The following TLK1 variants were observed in gnomAD, a reference collection of about 807,000 sequenced individuals.
TLK1 encodes the protein serine/threonine-protein kinase tousled-like 1.
In TLK1, 24 loss-of-function variants were observed where a neutral mutation model predicts 105.3. That is an observed-to-expected ratio of 0.23 (90% CI 0.17 to 0.32). The LOEUF (loss-of-function observed/expected upper bound fraction) is 0.32. Ranked by LOEUF, TLK1 falls within the 10% of genes least tolerant of loss-of-function variation. The probability of loss-of-function intolerance (pLI) is 1.00; values close to 1 mark genes in which losing one functional copy is unlikely to be tolerated. For synonymous variants in TLK1, 321 were observed against 310.4 expected (o/e 1.03, Z -0.36); for missense variants, 558 against 910.5 (o/e 0.61, Z 4.98).
At chr2:171,080,507 T>C (rs964782243) in intron 3 of TLK1, among the ~76,000 whole-genome samples, 1 of 149,582 alleles carries the variant, frequency 6.7e-6, no homozygotes, top group African/African-American at 2.4e-5. Context: ...GGAATCATTT[T>C]CCAGATAAGC....
In TLK1 at chr2:171,036,008, G is replaced by A. The variant is rs545624992; in HGVS notation, c.1170-7603C>T. On this transcript the variant is annotated intron_variant, in intron 11 of 20. Coordinates refer to ENST00000431350, the MANE Select transcript of TLK1 (RefSeq NM_012290.5). ...TAATATTTGTGTTGGTTAAAGCTAG[G>A]TTTGTGTGATTTGTTACAGCAGCCA... Among the ~76,000 whole-genome samples the A allele has an allele frequency of 2.2e-3, 335 of 152,322 alleles. 4 individuals are homozygous for A. The highest frequency in any genetic ancestry group is 6.7e-3 in the African/African-American group (278 of 41,572).
At chr2:171,070,707 G>A (rs1445230363) in intron 3 of TLK1, among the ~76,000 whole-genome samples, 1 of 152,078 alleles carries the variant, frequency 6.6e-6, no homozygotes, top group Admixed American at 6.5e-5. Flanking sequence ...TACAAATCTT[G>A]GCTATTGTGA....
intron 3 of TLK1, chr2:171,066,702 G>T: frequency 1.2e-6 from 1 of 815,990 alleles, no homozygotes; most frequent in Non-Finnish European, 1.8e-6. Context: ...AAATGATTTT[G>T]TCTGTTATTT....
chr2:171,081,555 C>G, intron 3 of TLK1: 1 of 891,834 alleles, frequency 1.1e-6, no homozygotes, highest in East Asian at 6.8e-5. Context: ...GCTAAACCTA[C>G]AATTTTCAAA....
intron 1 of TLK1, among the ~76,000 whole-genome samples, chr2:171,120,045 G>A (rs113795733): frequency 3.9e-5 from 6 of 152,046 alleles, no homozygotes; most frequent in African/African-American, 1.4e-4. Flanking sequence ...TCAGCAGTTC[G>A]AGACTAGCCT....
chr2:171,080,758 A>C (rs1210520594), intron 3 of TLK1, among the ~76,000 whole-genome samples: 1 of 150,594 alleles, frequency 6.6e-6, no homozygotes, highest in Non-Finnish European at 1.5e-5. Context: ...CCCAGGCTGG[A>C]GTGCAGTGGC....
chr2:171,153,292 G>A (rs561627363), intron 1 of TLK1, among the ~76,000 whole-genome samples: 129 of 152,286 alleles, frequency 8.5e-4, no homozygotes, highest in African/African-American at 3.0e-3. Context: ...ATGTAACTCA[G>A]AGTTATGAGA....
chr2:171,080,591 T>A (rs1688707216), intron 3 of TLK1, among the ~76,000 whole-genome samples: 1 of 145,690 alleles, frequency 6.9e-6, no homozygotes. Flanking sequence ...AGTAATTATT[T>A]CTTTGAATCT....
intron 11 of TLK1, among the ~76,000 whole-genome samples, chr2:171,039,000 T>C (rs1686517650): frequency 6.6e-6 from 1 of 152,152 alleles, no homozygotes; most frequent in Non-Finnish European, 1.5e-5. Context: ...GGCCATGTTA[T>C]CATATTTATA....
intron 1 of TLK1, among the ~76,000 whole-genome samples, chr2:171,128,647 A>G (rs1286582051): frequency 6.6e-6 from 1 of 152,146 alleles, no homozygotes; most frequent in Admixed American, 6.5e-5. Context: ...TTATGCTAAT[A>G]TAGTAGTAAC....
intron 1 of TLK1, among the ~76,000 whole-genome samples, chr2:171,221,505 G>A (rs1227966042): frequency 6.6e-6 from 1 of 152,092 alleles, no homozygotes; most frequent in Non-Finnish European, 1.5e-5. Flanking sequence ...GCTTTCCATT[G>A]CCTAAAAATT....
At chr2:171,139,623 CAACA>C (rs564519886) in intron 1 of TLK1, among the ~76,000 whole-genome samples, 218 of 152,068 alleles carry the variant, frequency 1.4e-3, no homozygotes, top group African/African-American at 4.7e-3. Context: ...ACAACAACAA[CAACA>C]AAAACCGGTT....
At chr2:171,204,269 T>C (rs1306094314) in intron 1 of TLK1, among the ~76,000 whole-genome samples, 1 of 152,166 alleles carries the variant, frequency 6.6e-6, no homozygotes, top group Non-Finnish European at 1.5e-5. Context: ...TGCCATTAAA[T>C]TGGCACCTAG....
rs180726901 is a variant in TLK1 at position 171,127,377 on chromosome 2, T to C, written c.140-9520A>G. Reference sequence around the variant, plus strand: ...TCTTGAAACATCCATTTTAACATGGTTAATAAATAGAACATACCTATTTTC... The same window carrying C: ...TCTTGAAACATCCATTTTAACATGGCTAATAAATAGAACATACCTATTTTC... On this transcript the variant is annotated intron_variant, in intron 1 of 20. Coordinates refer to ENST00000431350, the MANE Select transcript of TLK1 (RefSeq NM_012290.5). Among the ~76,000 whole-genome samples, 331 of 152,252 alleles carry C rather than the reference T, an allele frequency of 2.2e-3. 1 individual carries two copies. Among genetic ancestry groups the C allele is most frequent in the African/African-American group, 6.9e-3 (288 of 41,568 alleles).
chr2:171,127,138 G>A (rs1041258392), intron 1 of TLK1, among the ~76,000 whole-genome samples: 10 of 151,700 alleles, frequency 6.6e-5, no homozygotes, highest in Admixed American at 3.3e-4. Context: ...TTAGCCAGGC[G>A]TGGTGGTGCA....
intron 18 of TLK1, 134 bp from the exon 19 acceptor site, chr2:170,997,957 C>T (rs1243726182): frequency 8.0e-6 from 4 of 502,732 alleles, no homozygotes; most frequent in Non-Finnish European, 1.4e-5. Flanking sequence ...AAATCATCAA[C>T]TGAACTTCTG....
intron 2 of TLK1, among the ~76,000 whole-genome samples, chr2:171,103,341 C>T (rs1689778031): frequency 6.6e-6 from 1 of 151,132 alleles, no homozygotes; most frequent in Non-Finnish European, 1.5e-5. Context: ...GTGGTGCAAT[C>T]CTGGCTCACT....
chr2:171,038,064 C>T (rs2105409138), intron 11 of TLK1, among the ~76,000 whole-genome samples: 1 of 152,266 alleles, frequency 6.6e-6, no homozygotes, highest in South Asian at 2.1e-4. Context: ...TTTGTTTCTT[C>T]TACTGTCAGT....
intron 1 of TLK1, among the ~76,000 whole-genome samples, chr2:171,135,070 G>C (rs572707731): frequency 2.6e-5 from 4 of 152,242 alleles, no homozygotes; most frequent in African/African-American, 9.6e-5. Flanking sequence ...GTGGTTACCA[G>C]GGGCTGGGAG....
Sources: allele counts gnomAD v4.1 joint callset (sites outside exome capture counted in the v4.1 genomes callset), GRCh38; gene constraint gnomAD v4.1.1; transcripts MANE v1.5; gene names NCBI Gene and HGNC (gene_info 2026-07-23, HGNC 2026-07-21).